The following MARCO variants were observed in gnomAD, a reference collection of about 807,000 sequenced individuals.
MARCO encodes the protein macrophage receptor with collagenous structure.
MARCO carries 72 observed loss-of-function variants against 70.0 expected under a neutral mutation model. That is an observed-to-expected ratio of 1.03 (90% CI 0.85 to 1.25). MARCO has a LOEUF of 1.25. Ranked by LOEUF, MARCO falls within the 50% of genes most tolerant of loss-of-function variation. The probability of loss-of-function intolerance (pLI) is 0.00; values close to 1 mark genes in which losing one functional copy is unlikely to be tolerated. For missense variants in MARCO, 696 were observed against 659.3 expected, an observed-to-expected ratio of 1.06 and a Z score of -0.61; for synonymous variants, 273 against 243.1, an observed-to-expected ratio of 1.12 and a Z score of -1.14.
chr2:118,957,327 A>G (rs1298287172), intron 1 of MARCO, among the ~76,000 whole-genome samples: 1 of 152,150 alleles, frequency 6.6e-6, no homozygotes, highest in Non-Finnish European at 1.5e-5. Context: ...CCATTGAAAT[A>G]CAAAAGATCA....
intron 6 of MARCO, among the ~76,000 whole-genome samples, chr2:118,975,817 C>T (rs1372135504): frequency 6.6e-6 from 1 of 152,220 alleles, no homozygotes; most frequent in Non-Finnish European, 1.5e-5. Flanking sequence ...TCTGAGCACA[C>T]ATCTATGTAC....
At chr2:118,992,583 T>A in intron 15 of MARCO, 107 bp downstream of exon 15, 1 of 1,001,892 alleles carries the variant, frequency 1.0e-6, no homozygotes, top group South Asian at 1.5e-5. Context: ...AAATTTCTCA[T>A]TTTGGGGAGG....
intron 6 of MARCO, 130 bp downstream of exon 6, chr2:118,974,695 T>G (rs1027271036): frequency 2.2e-6 from 2 of 897,092 alleles, no homozygotes; most frequent in African/African-American, 3.4e-5. Flanking sequence ...GGAGGCCTGG[T>G]GGGAGACCCC....
chr2:118,960,775 G>A (rs1001793814), intron 1 of MARCO, among the ~76,000 whole-genome samples: 3 of 152,006 alleles, frequency 2.0e-5, no homozygotes, highest in African/African-American at 7.2e-5. Context: ...TGTGCAGAAT[G>A]TGCAGGTTTG....
At chr2:118,991,911 A>C in intron 14 of MARCO, 36 bp downstream of exon 14, 1 of 1,405,738 alleles carries the variant, frequency 7.1e-7, no homozygotes, top group African/African-American at 1.4e-5. Context: ...TGTTCTTAGG[A>C]CTGTGCTTTA....
chr2:118,945,828 G>T (rs553150373), intron 1 of MARCO, among the ~76,000 whole-genome samples: 1 of 152,198 alleles, frequency 6.6e-6, no homozygotes, highest in East Asian at 1.9e-4. Flanking sequence ...GAAAAGTTAG[G>T]GTTTTTATTG....
At chr2:118,992,743 C>T (rs911839832) in intron 15 of MARCO, among the ~76,000 whole-genome samples, 11 of 151,718 alleles carry the variant, frequency 7.3e-5, no homozygotes, top group African/African-American at 2.4e-4. Flanking sequence ...CTCCCTTCCT[C>T]CCCTTTCCCT....
chr2:118,994,163 G>A (rs1680676664), intron 16 of MARCO, among the ~76,000 whole-genome samples: 1 of 151,594 alleles, frequency 6.6e-6, no homozygotes, highest in Admixed American at 6.6e-5. Context: ...TCAAAGGGTA[G>A]AGAATAGAAC....
At chr2:118,949,394 T>G (rs1331292543) in intron 1 of MARCO, 1 of 152,234 alleles carries the variant, frequency 6.6e-6, no homozygotes, top group Non-Finnish European at 1.5e-5. Context: ...GCCATAGGTC[T>G]CCTATTTCTA....
intron 14 of MARCO, among the ~76,000 whole-genome samples, chr2:118,992,145 A>G (rs1280840939): frequency 6.6e-6 from 1 of 152,198 alleles, no homozygotes; most frequent in Non-Finnish European, 1.5e-5. Flanking sequence ...ACTCCTAGGC[A>G]GTTTCCATGA....
At chr2:118,956,805 C>T (rs1679846585) in intron 1 of MARCO, among the ~76,000 whole-genome samples, 1 of 152,074 alleles carries the variant, frequency 6.6e-6, no homozygotes, top group African/African-American at 2.4e-5. Context: ...TCTCAGACCA[C>T]AGTGGAATAA....
rs140941854 is a variant in MARCO, at chr2:118,993,152, C to T, written c.1281C>T (p.Val427=). The T allele has an allele frequency of 1.6e-4, 256 of 1,614,086 alleles. No individual in the cohort carries two copies. Among genetic ancestry groups the T allele is most frequent in the Admixed American group, 2.7e-4 (16 of 60,006 alleles). ...RGENSVSVRI[V]GSSNRGRAEV... ...AAAACTCAGTGTCCGTCAGGATTGT[C>T]GGCAGTAGTAACCGAGGCCGGGCTG... The change falls in exon 16 of 17, where the codon GTC becomes GTT. Residue 427 remains valine, a synonymous_variant. Coordinates refer to ENST00000327097, the MANE Select transcript of MARCO (RefSeq NM_006770.4).
At chr2:118,948,104 G>T (rs1303402644) in intron 1 of MARCO, among the ~76,000 whole-genome samples, 1 of 152,130 alleles carries the variant, frequency 6.6e-6, no homozygotes, top group African/African-American at 2.4e-5. Flanking sequence ...TACCAAAATT[G>T]TTAGAAATAG....
At chr2:118,949,121 AG>A (rs1455334365) in intron 1 of MARCO, among the ~76,000 whole-genome samples, 2 of 152,298 alleles carry the variant, frequency 1.3e-5, no homozygotes, top group South Asian at 4.1e-4. Flanking sequence ...GCTGATCCGC[AG>A]GGTGTTGAAC....
intron 6 of MARCO, among the ~76,000 whole-genome samples, chr2:118,975,462 T>G (rs10191398): frequency 0.12 from 18,903 of 152,092 alleles, 2,143 homozygotes; most frequent in African/African-American, 0.3. Context: ...TGTTAGGAGG[T>G]AGAATCCTCC....
chr2:118,962,026 C>T (rs1325218715), intron 1 of MARCO, among the ~76,000 whole-genome samples: 4 of 151,986 alleles, frequency 2.6e-5, no homozygotes, highest in South Asian at 2.1e-4. Context: ...ATCAGATGCT[C>T]GTAGACGTGC....
chr2:118,980,417 A>G (rs938941296), intron 8 of MARCO, among the ~76,000 whole-genome samples: 2 of 152,156 alleles, frequency 1.3e-5, no homozygotes, highest in Non-Finnish European at 2.9e-5. Flanking sequence ...CACAGCACTC[A>G]ATGCTAAGAC....
At chr2:118,972,355 C>T (rs542504277) in intron 4 of MARCO, among the ~76,000 whole-genome samples, 19 of 152,126 alleles carry the variant, frequency 1.2e-4, no homozygotes, top group Non-Finnish European at 2.2e-4. Context: ...TCCTTTGGTC[C>T]CATAATATTT....
Position 118,974,638 on chromosome 2 carries a change from G to T in MARCO, c.613+73G>T, listed in dbSNP as rs369932073. ...AGAGTGACTGCTGTGGGCTGCAGAC[G>T]CAGCCTCCCTCCAGAGTCTGGACCT... On this transcript the variant is annotated intron_variant, in intron 6 of 16. Coordinates refer to ENST00000327097, the MANE Select transcript of MARCO (RefSeq NM_006770.4). 136 of 1,429,108 alleles carry T rather than the reference G, an allele frequency of 9.5e-5. 1 individual carries two copies. Among genetic ancestry groups the T allele is most frequent in the Middle Eastern group, 5.0e-4 (2 of 4,034 alleles). The allele number at this position is 1,429,108 out of a possible 1,614,324, so 88.5% of individuals were successfully genotyped here.
Sources: allele counts gnomAD v4.1 joint callset (sites outside exome capture counted in the v4.1 genomes callset), GRCh38; gene constraint gnomAD v4.1.1; transcripts MANE v1.5; gene names NCBI Gene and HGNC (gene_info 2026-07-23, HGNC 2026-07-21).